The following FILIP1L variants were observed in gnomAD, a reference collection of about 807,000 sequenced individuals.
The protein encoded by FILIP1L is filamin A interacting protein 1 like.
In FILIP1L, 55 loss-of-function variants were observed where a neutral mutation model predicts 96.6. That is an observed-to-expected ratio of 0.57 (90% CI 0.46 to 0.71). The LOEUF is 0.71. FILIP1L is among the 30% of genes least tolerant of loss of function. The pLI is 0.00. For missense variants in FILIP1L, 1,304 were observed against 1,321.2 expected (o/e 0.99, Z 0.20); for synonymous variants, 467 against 473.9 (o/e 0.99, Z 0.19).
chr3:99,836,923 G>C (rs908468985), intron 5 of FILIP1L, among the ~76,000 whole-genome samples: 15 of 152,294 alleles, frequency 9.8e-5, no homozygotes, highest in African/African-American at 3.6e-4. Flanking sequence ...ATGCAGTAAG[G>C]ACAGGATAGC....
chr3:100,103,066 C>T lies in FILIP1L; in HGVS notation c.-11+10987G>A, dbSNP rs368848444. Among the ~76,000 whole-genome samples, 4 of 152,262 alleles carry T rather than the reference C, an allele frequency of 2.6e-5. No individual in the cohort carries two copies. The East Asian group carries it at 7.7e-4, about 29-fold the overall frequency. Reference sequence around the variant, plus strand: ...TAAGTGCTGTAAAAATGAAGCAGACCGACTGTGGGTACACAGATCTAGTCT... The same window carrying T: ...TAAGTGCTGTAAAAATGAAGCAGACTGACTGTGGGTACACAGATCTAGTCT... On this transcript the variant is annotated intron_variant, in intron 1 of 5. Coordinates refer to ENST00000477258, the MANE Select transcript of FILIP1L (RefSeq NM_001387850.1).
intron 4 of FILIP1L, among the ~76,000 whole-genome samples, chr3:99,854,874 G>A (rs1329746397): frequency 6.6e-6 from 1 of 152,144 alleles, no homozygotes; most frequent in Non-Finnish European, 1.5e-5. Context: ...TTCCCTGCTA[G>A]TGGCCTATTC....
rs6772519 is a variant in FILIP1L at position 99,831,477 on chromosome 3, C to T, written c.3382-872G>A. Among the ~76,000 whole-genome samples the T allele has an allele frequency of 4.6e-3, 694 of 152,104 alleles. 7 individuals carry two copies. The highest frequency in any genetic ancestry group is 0.016 in the African/African-American group (671 of 41,488). On this transcript the variant is annotated intron_variant, in intron 5 of 5. Coordinates refer to ENST00000477258, the MANE Select transcript of FILIP1L (RefSeq NM_001387850.1). ...AGGAACACTAAATTGTTTTAAAAGA[C>T]GAAAAAGGAAGGAAACAACTTGGAG...
At chr3:99,859,266 T>C (rs1031486911) in intron 4 of FILIP1L, among the ~76,000 whole-genome samples, 16 of 152,234 alleles carry the variant, frequency 1.1e-4, no homozygotes, top group African/African-American at 3.6e-4. Flanking sequence ...ACTTGCTATT[T>C]GTCAGTTCTT....
At chr3:99,853,140 G>T (rs937536461) in intron 4 of FILIP1L, among the ~76,000 whole-genome samples, 3 of 152,134 alleles carry the variant, frequency 2.0e-5, no homozygotes, top group Admixed American at 6.5e-5. Flanking sequence ...AATGGTCATG[G>T]GACTTCTCAA....
intron 1 of FILIP1L, among the ~76,000 whole-genome samples, chr3:99,968,828 A>C (rs1403206957): frequency 6.6e-6 from 1 of 152,192 alleles, no homozygotes; most frequent in African/African-American, 2.4e-5. Context: ...GCAGAATGAC[A>C]TTGTGTCTTG....
chr3:100,054,001 G>A (rs916027582), intron 1 of FILIP1L, among the ~76,000 whole-genome samples: 10 of 152,126 alleles, frequency 6.6e-5, no homozygotes, highest in African/African-American at 1.7e-4. Context: ...TGGACATTCG[G>A]CTTACTTAAA....
intron 1 of FILIP1L, among the ~76,000 whole-genome samples, chr3:99,951,636 C>T (rs1349954223): frequency 6.6e-6 from 1 of 152,182 alleles, no homozygotes; most frequent in Non-Finnish European, 1.5e-5. Flanking sequence ...CCACCTCCCC[C>T]ACCACATATA....
At chr3:100,034,048 G>C (rs1041166343) in intron 1 of FILIP1L, among the ~76,000 whole-genome samples, 1 of 152,158 alleles carries the variant, frequency 6.6e-6, no homozygotes, top group African/African-American at 2.4e-5. Context: ...CCCGCCATGC[G>C]TTATTTTGCT....
At chr3:100,010,641 G>A (rs1380541659) in intron 1 of FILIP1L, among the ~76,000 whole-genome samples, 5 of 150,134 alleles carry the variant, frequency 3.3e-5, no homozygotes, top group Admixed American at 2.0e-4. Flanking sequence ...TGGAGATGGA[G>A]TGTCCCTCTG....
chr3:100,047,585 C>A (rs533753906), intron 1 of FILIP1L, among the ~76,000 whole-genome samples: 78 of 152,344 alleles, frequency 5.1e-4, no homozygotes, highest in African/African-American at 1.8e-3. Context: ...CATGTAAATT[C>A]TTTCCCTGCA....
chr3:99,887,267 CAAA>C (rs879818314), intron 4 of FILIP1L, among the ~76,000 whole-genome samples: 6 of 136,628 alleles, frequency 4.4e-5, no homozygotes, highest in Non-Finnish European at 4.8e-5. Flanking sequence ...AACTCCATCT[CAAA>C]AAAAAAAAAA....
chr3:99,842,544 A>G (rs1349532042), intron 5 of FILIP1L, among the ~76,000 whole-genome samples: 2 of 151,732 alleles, frequency 1.3e-5, no homozygotes, highest in Non-Finnish European at 2.9e-5. Context: ...AACCCCTCAA[A>G]TATCATACCA....
chr3:100,035,680 T>A (rs1208487806), intron 1 of FILIP1L, among the ~76,000 whole-genome samples: 1 of 152,252 alleles, frequency 6.6e-6, no homozygotes, highest in Non-Finnish European at 1.5e-5. Flanking sequence ...GAAACTTTTA[T>A]CATTCTGATA....
At chr3:99,909,869 T>C (rs916033772) in intron 4 of FILIP1L, among the ~76,000 whole-genome samples, 1 of 152,212 alleles carries the variant, frequency 6.6e-6, no homozygotes, top group African/African-American at 2.4e-5. Context: ...GCAACCCCTT[T>C]CCTGTTCTTT....
chr3:99,993,188 T>G (rs1282477096), intron 1 of FILIP1L, among the ~76,000 whole-genome samples: 6 of 152,068 alleles, frequency 3.9e-5, no homozygotes, highest in African/African-American at 1.2e-4. Context: ...TTTTTCTACT[T>G]TGGTGAAAAA....
chr3:100,026,663 C>A (rs150456271), intron 1 of FILIP1L, among the ~76,000 whole-genome samples: 139 of 152,290 alleles, frequency 9.1e-4, no homozygotes, highest in African/African-American at 3.1e-3. Context: ...TCTAATTCAT[C>A]AGGAAATCCT....
chr3:100,005,636 C>T (rs1163238150), intron 1 of FILIP1L, among the ~76,000 whole-genome samples: 1 of 152,076 alleles, frequency 6.6e-6, no homozygotes, highest in Non-Finnish European at 1.5e-5. Context: ...AAAATATAGC[C>T]AGAAATATTT....
At position 99,848,892 on chromosome 3, in the gene FILIP1L, G is replaced by T. The variant is rs556072407; in HGVS notation, c.2784C>A (p.His928Gln). The T allele has an allele frequency of 6.2e-7, 1 of 1,614,064 alleles. No individual in the cohort carries two copies. Among genetic ancestry groups the T allele is most frequent in the African/African-American group, 1.3e-5 (1 of 74,932 alleles). The change falls in exon 5 of 6, where the codon CAC (histidine) becomes CAA (glutamine). Residue 928 changes from histidine (H) to glutamine (Q), a missense_variant. Transcript: ENST00000477258. The stretch of plus-strand genomic sequence containing the variant: ...GTATCACTGCAGTACTCGTGTAAGA[G>T]TGAGGACTCTCTGTGGTTGGACTTG... ...EITSPTTESP[H>Q]SYTSTAVIPN... is the part of the protein sequence containing the mutation.
Sources: gnomAD v4.1 joint callset for allele counts (sites outside exome capture counted in the v4.1 genomes callset) on GRCh38, gnomAD v4.1.1 for gene constraint, MANE v1.5 for transcripts, NCBI Gene and HGNC (gene_info 2026-07-23, HGNC 2026-07-21) for gene names.